Variants in VSTM4 observed in about 807,000 individuals in gnomAD.
The protein encoded by VSTM4 is V-set and transmembrane domain-containing protein 4.
VSTM4 carries 20 observed loss-of-function variants against 36.4 expected under a neutral mutation model. The ratio of observed to expected loss-of-function variants is 0.55; its 90% CI spans 0.39 to 0.80. The LOEUF is 0.80. Ranked by LOEUF, VSTM4 falls within the 30% of genes least tolerant of loss-of-function variation. The pLI is 0.00. For synonymous variants in VSTM4, 182 were observed against 173.9 expected (o/e 1.05, Z -0.37); for missense variants, 392 against 404.5 (o/e 0.97, Z 0.26).
intron 2 of VSTM4, among the ~76,000 whole-genome samples, chr10:49,093,137 G>A (rs1844508333): frequency 6.6e-6 from 1 of 152,180 alleles, no homozygotes; most frequent in South Asian, 2.1e-4. Context: ...CTGTCCTTGA[G>A]ACTAGGTGGA....
intron 7 of VSTM4, among the ~76,000 whole-genome samples, chr10:49,044,361 T>G (rs1843567168): frequency 1.1e-5 from 1 of 93,076 alleles, no homozygotes; most frequent in African/African-American, 4.3e-5. Context: ...AAAAGAAAAT[T>G]AATGACAAGA....
At chr10:49,069,070 C>G (rs1844025983) in intron 4 of VSTM4, among the ~76,000 whole-genome samples, 1 of 152,148 alleles carries the variant, frequency 6.6e-6, no homozygotes, top group South Asian at 2.1e-4. Context: ...TGCTCACACT[C>G]TCACCCCATG....
At chr10:49,071,400 G>T (rs546883381) in intron 4 of VSTM4, among the ~76,000 whole-genome samples, 4 of 152,318 alleles carry the variant, frequency 2.6e-5, no homozygotes, top group African/African-American at 7.2e-5. Context: ...TGCTGTCAAG[G>T]CCCTGGGATG....
intron 7 of VSTM4, among the ~76,000 whole-genome samples, chr10:49,043,300 A>G (rs1843548892): frequency 6.6e-6 from 1 of 152,250 alleles, no homozygotes; most frequent in Admixed American, 6.5e-5. Flanking sequence ...TTAAATGATA[A>G]TATTTTTGAT....
Position 49,036,605 on chromosome 10 carries a change from G to T in VSTM4, c.837+10378C>A, listed in dbSNP as rs141868487. Among the ~76,000 whole-genome samples the T allele has an allele frequency of 6.2e-3, 950 of 152,340 alleles. 17 individuals are homozygous for T. The highest frequency in any genetic ancestry group is 0.022 in the African/African-American group (906 of 41,572). ...TGGAAATAATTTTGCTGGGATTTGG[G>T]TTATTATTAAAATCCTCTCAGAATT... On this transcript the variant is annotated intron_variant, in intron 7 of 7. Transcript: ENST00000332853.
intron 1 of VSTM4, among the ~76,000 whole-genome samples, chr10:49,112,525 A>G (rs1844913673): frequency 6.6e-6 from 1 of 152,244 alleles, no homozygotes; most frequent in African/African-American, 2.4e-5. Flanking sequence ...CATAGGCTCC[A>G]ATGCAAAAGC....
intron 2 of VSTM4, among the ~76,000 whole-genome samples, chr10:49,094,496 A>G (rs1844534750): frequency 6.6e-6 from 1 of 152,176 alleles, no homozygotes; most frequent in Admixed American, 6.5e-5. Context: ...AGGAGAGAGC[A>G]AGTACCACCC....
At chr10:49,037,532 G>A (rs757985618) in intron 7 of VSTM4, among the ~76,000 whole-genome samples, 2 of 152,202 alleles carry the variant, frequency 1.3e-5, no homozygotes, top group East Asian at 1.9e-4. Flanking sequence ...CCAAAGGGGC[G>A]CTCTAGTGAC....
intron 7 of VSTM4, among the ~76,000 whole-genome samples, chr10:49,046,353 T>C (rs1172992188): frequency 6.6e-6 from 1 of 152,208 alleles, no homozygotes; most frequent in Non-Finnish European, 1.5e-5. Context: ...CTGTCTTGGA[T>C]TGTTGGAAAG....
intron 1 of VSTM4, among the ~76,000 whole-genome samples, chr10:49,115,047 C>T (rs1844966410): frequency 6.6e-6 from 1 of 152,132 alleles, no homozygotes; most frequent in East Asian, 1.9e-4. Flanking sequence ...GTTGCTGCTC[C>T]GAGGAATCTG....
In VSTM4 at chr10:49,086,032, C is replaced by CAAAAAAA; in HGVS notation, c.458-10_458-9insTTTTTTT. ...AGCTTTGAGGGAAATGACTGAAAGA[C>CAAAAAAA]AAAAAAGAAACAGCACAGTATGAAA... On this transcript the variant is annotated splice_polypyrimidine_tract_variant and intron_variant, in intron 2 of 7. Coordinates refer to ENST00000332853, the MANE Select transcript of VSTM4 (RefSeq NM_001031746.5). The CAAAAAAA allele has an allele frequency of 1.3e-6, 2 of 1,570,802 alleles. No individual in the cohort carries two copies. The highest frequency in any genetic ancestry group is 2.4e-5 in the South Asian group (2 of 83,206).
intron 4 of VSTM4, among the ~76,000 whole-genome samples, chr10:49,076,769 C>G (rs1425160727): frequency 3.3e-5 from 5 of 152,162 alleles, no homozygotes; most frequent in African/African-American, 9.7e-5. Context: ...AGGGAAAGAA[C>G]TGGGGAGACT....
intron 5 of VSTM4, among the ~76,000 whole-genome samples, chr10:49,049,621 A>T (rs1013910681): frequency 6.6e-6 from 1 of 152,218 alleles, no homozygotes; most frequent in Non-Finnish European, 1.5e-5. Flanking sequence ...ATCCATAAAA[A>T]TATGACCCAA....
chr10:49,106,123 C>A (rs1844777946), intron 2 of VSTM4, among the ~76,000 whole-genome samples: 1 of 152,172 alleles, frequency 6.6e-6, no homozygotes. Flanking sequence ...TAAAATTGAA[C>A]TACTGTAAAG....
intron 7 of VSTM4, among the ~76,000 whole-genome samples, chr10:49,044,954 A>G (rs776350573): frequency 1.3e-5 from 2 of 152,134 alleles, no homozygotes; most frequent in Non-Finnish European, 1.5e-5. Flanking sequence ...TGAAAAGATA[A>G]TCTCTTTTTC....
chr10:49,098,653 T>C (rs1844615138), intron 2 of VSTM4, among the ~76,000 whole-genome samples: 1 of 152,196 alleles, frequency 6.6e-6, no homozygotes, highest in African/African-American at 2.4e-5. Flanking sequence ...TGCCTGTCCC[T>C]CTGGACATCC....
chr10:49,065,756 G>A (rs1843962139), intron 4 of VSTM4, among the ~76,000 whole-genome samples: 1 of 152,172 alleles, frequency 6.6e-6, no homozygotes, highest in African/African-American at 2.4e-5. Flanking sequence ...CTGGCAACCT[G>A]TGGAATTGAG....
At chr10:49,047,788 G>T (rs1360041649) in intron 6 of VSTM4, among the ~76,000 whole-genome samples, 1 of 152,180 alleles carries the variant, frequency 6.6e-6, no homozygotes, top group Non-Finnish European at 1.5e-5. Flanking sequence ...GTCCCTAGGG[G>T]AAGCATGCAA....
At chr10:49,044,985 T>G (rs1843584864) in intron 7 of VSTM4, among the ~76,000 whole-genome samples, 1 of 152,226 alleles carries the variant, frequency 6.6e-6, no homozygotes, top group Non-Finnish European at 1.5e-5. Context: ...AATGTCACTG[T>G]TGTCATAAAT....
Sources: allele counts gnomAD v4.1 joint callset (sites outside exome capture counted in the v4.1 genomes callset), GRCh38; gene constraint gnomAD v4.1.1; transcripts MANE v1.5; gene names NCBI Gene and HGNC (gene_info 2026-07-23, HGNC 2026-07-21).